Variants in GRIK3 observed in about 807,000 individuals in gnomAD.
GRIK3 encodes glutamate ionotropic receptor kainate type subunit 3, also known as glutamate receptor ionotropic, kainate 3.
A neutral mutation model predicts 102.5 loss-of-function variants in GRIK3; 29 were observed. The ratio of observed to expected loss-of-function variants is 0.28; its 90% CI spans 0.21 to 0.39. The LOEUF (loss-of-function observed/expected upper bound fraction) is 0.39. Ranked by LOEUF, GRIK3 falls within the 10% of genes least tolerant of loss-of-function variation. The pLI, the probability that GRIK3 is intolerant of heterozygous loss-of-function variation, is 1.00. For synonymous variants in GRIK3, 511 were observed against 504.9 expected, an observed-to-expected ratio of 1.01 and a Z score of -0.16; for missense variants, 908 against 1,252.4, an observed-to-expected ratio of 0.73 and a Z score of 4.15.
At chr1:36,851,032 C>T (rs1462160998) in intron 8 of GRIK3, among the ~76,000 whole-genome samples, 1 of 152,204 alleles carries the variant, frequency 6.6e-6, no homozygotes, top group African/African-American at 2.4e-5. Flanking sequence ...TAGAAATCAT[C>T]CTAAAGCCCT....
chr1:36,900,292 T>TC (rs1416190056), intron 1 of GRIK3, among the ~76,000 whole-genome samples: 1 of 152,050 alleles, frequency 6.6e-6, no homozygotes, highest in African/African-American at 2.4e-5. Flanking sequence ...ATGCTCCTCC[T>TC]CCCCCTCCTG....
chr1:37,002,795 C>T (rs188348499), intron 1 of GRIK3, among the ~76,000 whole-genome samples: 1 of 151,710 alleles, frequency 6.6e-6, no homozygotes, highest in East Asian at 1.9e-4. Flanking sequence ...TGTGTGCCAC[C>T]ATGCCCAGCT....
chr1:36,965,497 C>T (rs1642069109), intron 1 of GRIK3, among the ~76,000 whole-genome samples: 2 of 152,110 alleles, frequency 1.3e-5, no homozygotes, highest in Admixed American at 1.3e-4. Context: ...TTCCCAGAGA[C>T]TTGGAGAGGG....
chr1:36,962,365 A>T (rs917704685), intron 1 of GRIK3, among the ~76,000 whole-genome samples: 3 of 152,106 alleles, frequency 2.0e-5, no homozygotes, highest in Admixed American at 2.0e-4. Context: ...GGAAGATCCT[A>T]GCCTCAGGTC....
At chr1:36,958,260 G>A (rs1641949767) in intron 1 of GRIK3, among the ~76,000 whole-genome samples, 1 of 86,024 alleles carries the variant, frequency 1.2e-5, no homozygotes, top group South Asian at 4.5e-4. Flanking sequence ...CCATGACTCT[G>A]TGCCCCGTGA....
intron 1 of GRIK3, among the ~76,000 whole-genome samples, chr1:36,900,533 T>C (rs916332477): frequency 6.6e-6 from 1 of 152,230 alleles, no homozygotes; most frequent in African/African-American, 2.4e-5. Context: ...TATCAAAATT[T>C]GTGGGATGTA....
intron 1 of GRIK3, among the ~76,000 whole-genome samples, chr1:36,938,077 C>G (rs1641678846): frequency 6.6e-6 from 1 of 152,258 alleles, no homozygotes; most frequent in Non-Finnish European, 1.5e-5. Context: ...TTCAGGCACT[C>G]ATGGACTGGT....
intron 9 of GRIK3, chr1:36,849,843 A>C: frequency 6.4e-6 from 1 of 156,242 alleles, no homozygotes; most frequent in South Asian, 2.0e-4. Context: ...GGGGTGTGGC[A>C]GTGGCTGACG....
intron 1 of GRIK3, among the ~76,000 whole-genome samples, chr1:36,963,064 G>A (rs1271226769): frequency 6.6e-6 from 1 of 152,248 alleles, no homozygotes; most frequent in South Asian, 2.1e-4. Flanking sequence ...TTGGAAGGGG[G>A]AGGAGAAGGA....
At chr1:36,810,268 A>G (rs557594082) in intron 13 of GRIK3, among the ~76,000 whole-genome samples, 1 of 152,230 alleles carries the variant, frequency 6.6e-6, no homozygotes, top group Admixed American at 6.5e-5. Context: ...TCACCACCCT[A>G]GGGAACGAAG....
chr1:36,815,771 A>G (rs11486094), intron 13 of GRIK3, among the ~76,000 whole-genome samples: 3 of 149,266 alleles, frequency 2.0e-5, no homozygotes, highest in Non-Finnish European at 4.5e-5. Context: ...TCTTTTTTTT[A>G]TTTTTTGAGA....
chr1:36,997,918 T>C (rs1557457529), intron 1 of GRIK3, among the ~76,000 whole-genome samples: 2 of 152,190 alleles, frequency 1.3e-5, no homozygotes, highest in Admixed American at 6.5e-5. Flanking sequence ...ACCAGGCCCA[T>C]TTTCCTGGCC....
At position 36,938,945 on chromosome 1, in the gene GRIK3, C is replaced by T. The variant is rs116870037; in HGVS notation, c.116-47849G>A. On this transcript the variant is annotated intron_variant, in intron 1 of 15. Coordinates refer to ENST00000373091, the MANE Select transcript of GRIK3 (RefSeq NM_000831.4). ...ACTTGAGAGGCTGAAGATGATTCAC[C>T]GGGAAAAGCAGAGGACACATGAGCC... Among the ~76,000 whole-genome samples the T allele has an allele frequency of 7.9e-4, 120 of 152,234 alleles. 2 individuals carry two copies. In the East Asian group the frequency reaches 0.019, roughly 24 times the overall value.
intron 7 of GRIK3, among the ~76,000 whole-genome samples, chr1:36,856,573 G>C (rs2124235453): frequency 1.3e-5 from 2 of 152,310 alleles, no homozygotes; most frequent in East Asian, 3.9e-4. Context: ...GCTGGGGTCG[G>C]GCAGGCATCT....
In GRIK3 at chr1:36,801,928, G is replaced by T; in HGVS notation, c.2683C>A (p.His895Asn). ...GGAAGCCGGCGGTCATTGAATGTGT[G>T]CATGTTGATGACGGCGTCAGTCTTG... ...MVKTDAVINM[H>N]TFNDRRLPGK... The change falls in exon 16 of 16, where the codon CAC becomes AAC. Residue 895 changes from histidine (H) to asparagine (N), a missense_variant. Physicochemically the swap from His to Asn is moderately conservative, Grantham distance 68. Transcript: ENST00000373091. 6.2e-7 allele frequency: 1 copy of T among 1,614,104 alleles called. No homozygotes were observed. The highest frequency in any genetic ancestry group is 8.5e-7 in the Non-Finnish European group (1 of 1,179,990).
intron 7 of GRIK3, among the ~76,000 whole-genome samples, chr1:36,856,885 T>C (rs1362771496): frequency 6.6e-6 from 1 of 152,054 alleles, no homozygotes; most frequent in Non-Finnish European, 1.5e-5. Context: ...CCTGGAGACC[T>C]GGTAGTGGAA....
At chr1:36,957,536 G>A (rs1196217939) in intron 1 of GRIK3, among the ~76,000 whole-genome samples, 61 of 36,396 alleles carry the variant, frequency 1.7e-3, no homozygotes, top group African/African-American at 4.7e-3. Flanking sequence ...TGTGTGCCCC[G>A]TGTCCTGTGC....
intron 7 of GRIK3, among the ~76,000 whole-genome samples, chr1:36,854,256 C>T (rs1381671729): frequency 6.6e-5 from 10 of 152,168 alleles, no homozygotes; most frequent in East Asian, 3.9e-4. Context: ...ATTAGCCGTG[C>T]GACCTTGGGT....
At chr1:36,977,905 G>C (rs1642211459) in intron 1 of GRIK3, among the ~76,000 whole-genome samples, 1 of 152,216 alleles carries the variant, frequency 6.6e-6, no homozygotes, top group Non-Finnish European at 1.5e-5. Flanking sequence ...CCAACTCTGG[G>C]GGCAGGCCCT....
Sources: allele counts gnomAD v4.1 joint callset (sites outside exome capture counted in the v4.1 genomes callset), GRCh38; gene constraint gnomAD v4.1.1; transcripts MANE v1.5; gene names NCBI Gene and HGNC (gene_info 2026-07-23, HGNC 2026-07-21).